DAAM1: variants seen among roughly 807,000 people sequenced by gnomAD.
DAAM1 encodes disheveled-associated activator of morphogenesis 1.
Under a neutral mutation model 130.0 loss-of-function variants are expected in DAAM1, and 52 were observed. That is an observed-to-expected ratio of 0.40 (90% CI 0.32 to 0.50). The LOEUF is 0.50. Ranked by LOEUF, DAAM1 falls within the 20% of genes least tolerant of loss-of-function variation. The pLI, the probability that DAAM1 is intolerant of heterozygous loss-of-function variation, is 0.61. For synonymous variants in DAAM1, 452 were observed against 444.5 expected (o/e 1.02, Z -0.21); for missense variants, 1,134 against 1,303.8 (o/e 0.87, Z 2.01).
chr14:59,271,270 A>G lies in DAAM1; in HGVS notation c.183+7610A>G, dbSNP rs148715008. ...TTGTGAAATTCATCACTGGTCACAA[A>G]ACCACTATTTATACTACCGAGAAAA... On this transcript the variant is annotated intron_variant, in intron 2 of 24. Transcript: ENST00000360909. 1.4e-4 allele frequency among the ~76,000 whole-genome samples: 21 copies of G among 152,302 alleles called. 1 individual carries two copies. The East Asian group carries it at 3.9e-3, about 28-fold the overall frequency.
chr14:59,286,904 C>G (rs953835613), intron 2 of DAAM1, among the ~76,000 whole-genome samples: 6 of 152,022 alleles, frequency 3.9e-5, no homozygotes, highest in Admixed American at 1.3e-4. Context: ...TCCAAAAATT[C>G]AAAGAGAAGG....
intron 3 of DAAM1, 26 bp downstream of exon 3, chr14:59,291,332 T>G: frequency 2.0e-6 from 3 of 1,530,562 alleles, no homozygotes; most frequent in Non-Finnish European, 2.7e-6. Flanking sequence ...TGATTATGGT[T>G]AACTGGAAAA....
In DAAM1 at chr14:59,369,442, C is replaced by T. The variant is rs933302972; in HGVS notation, c.*583C>T. 6.6e-6 allele frequency: 1 copy of T among 152,530 alleles called. No individual in the cohort carries two copies. The highest frequency in any genetic ancestry group is 1.5e-5 in the Non-Finnish European group (1 of 68,022). 9.4% of individuals were successfully genotyped at this position (152,530 alleles called of 1,614,324 possible). A position where few individuals can be genotyped will look rare whatever the true frequency, so the allele number is the denominator to read the frequency against. On this transcript the variant is annotated 3_prime_UTR_variant, in exon 25 of 25. Coordinates refer to ENST00000360909, the MANE Select transcript of DAAM1 (RefSeq NM_001270520.2). The stretch of plus-strand genomic sequence containing the variant: ...TCTGACATTGGTGTGGGGATACAGT[C>T]TGTAAATGTTTATTGAGAACATCTT...
intron 1 of DAAM1, among the ~76,000 whole-genome samples, chr14:59,233,529 A>G (rs1182654773): frequency 6.6e-6 from 1 of 151,562 alleles, no homozygotes; most frequent in African/African-American, 2.4e-5. Context: ...TATTTTCTGG[A>G]TATTAGACCT....
At chr14:59,259,071 C>T (rs1594784413) in intron 1 of DAAM1, among the ~76,000 whole-genome samples, 1 of 152,198 alleles carries the variant, frequency 6.6e-6, no homozygotes, top group African/African-American at 2.4e-5. Flanking sequence ...CCCGACTTCT[C>T]GCCCCTCCTC....
intron 4 of DAAM1, among the ~76,000 whole-genome samples, chr14:59,317,647 C>T (rs1401792578): frequency 6.6e-6 from 1 of 152,166 alleles, no homozygotes; most frequent in Non-Finnish European, 1.5e-5. Context: ...GGGTAACAGG[C>T]ACTTCATATG....
intron 2 of DAAM1, among the ~76,000 whole-genome samples, chr14:59,287,177 A>T (rs377418513): frequency 2.0e-5 from 3 of 152,204 alleles, no homozygotes; most frequent in Admixed American, 1.3e-4. Context: ...AGAATAATAA[A>T]AACCTTTGAT....
At chr14:59,253,992 A>T (rs1881759116) in intron 1 of DAAM1, among the ~76,000 whole-genome samples, 1 of 152,188 alleles carries the variant, frequency 6.6e-6, no homozygotes, top group Admixed American at 6.5e-5. Flanking sequence ...ATGCCTAATA[A>T]TATATTTCTT....
At chr14:59,356,602 C>G (rs1283788435) in intron 20 of DAAM1, among the ~76,000 whole-genome samples, 2 of 152,200 alleles carry the variant, frequency 1.3e-5, no homozygotes, top group Non-Finnish European at 2.9e-5. Context: ...GGTCCATCCA[C>G]AGCTCTATTA....
chr14:59,190,473 C>T (rs1594747567), intron 1 of DAAM1, among the ~76,000 whole-genome samples: 1 of 152,326 alleles, frequency 6.6e-6, no homozygotes, highest in South Asian at 2.1e-4. Flanking sequence ...AGCAAAGGCC[C>T]TCAATTTGCT....
chr14:59,239,420 G>C (rs1449200956), intron 1 of DAAM1, among the ~76,000 whole-genome samples: 1 of 152,070 alleles, frequency 6.6e-6, no homozygotes, highest in East Asian at 1.9e-4. Flanking sequence ...AAAAGAGAGA[G>C]GTGTAGCTAG....
rs1440246336 is a variant in DAAM1, at chr14:59,331,470, A to G, written c.1822A>G (p.Asn608Asp). The G allele has an allele frequency of 8.1e-6, 13 of 1,610,986 alleles. No individual in the cohort carries two copies. Among genetic ancestry groups the G allele is most frequent in the South Asian group, 2.2e-5 (2 of 90,818 alleles). The change falls in exon 14 of 25, where the codon AAT becomes GAT. Residue 608 changes from asparagine to aspartate, a missense_variant. Asn to Asp is a conservative substitution (Grantham distance 23). This residue lies in a region of DAAM1 where 644 missense variants were observed against 695.9 expected (regional missense o/e 0.93). Transcript: ENST00000360909. ...GAAGAAAAGCATTCCTCAGCCCACA[A>G]ATGCCCTGAAATCCTTCAACTGGTC... ...LKKKSIPQPT[N>D]ALKSFNWSKL...
At chr14:59,368,510 T>C in intron 24 of DAAM1, 140 bp from the exon 25 acceptor site, 2 of 839,602 alleles carry the variant, frequency 2.4e-6, no homozygotes, top group Non-Finnish European at 3.6e-6. Flanking sequence ...TCCCCCTTTC[T>C]TGTGATATCC....
chr14:59,322,931 T>C lies in DAAM1; in HGVS notation c.480T>C (p.Cys160=). 1 of 1,613,920 alleles carries C rather than the reference T, an allele frequency of 6.2e-7. No homozygotes were observed. Among genetic ancestry groups the C allele is most frequent in the Non-Finnish European group, 8.5e-7 (1 of 1,179,826 alleles). ...TCATCGACTTGGATGGCCTATCATG[T>C]ATCCTCAACTTTCTAAAGACCATGG... is the stretch of plus-strand genomic sequence containing the variant. ...TRFIDLDGLS[C]ILNFLKTMDY... Residue 160 remains cysteine, a synonymous_variant, in exon 6 of 25, where the codon TGT becomes TGC. Coordinates refer to ENST00000360909, the MANE Select transcript of DAAM1 (RefSeq NM_001270520.2).
At chr14:59,352,844 C>T (rs1886338054) in intron 18 of DAAM1, among the ~76,000 whole-genome samples, 1 of 152,032 alleles carries the variant, frequency 6.6e-6, no homozygotes, top group Admixed American at 6.6e-5. Context: ...GGTTTTTTCA[C>T]AATTATCTCT....
At chr14:59,297,834 C>G (rs1206495928) in intron 3 of DAAM1, among the ~76,000 whole-genome samples, 1 of 152,076 alleles carries the variant, frequency 6.6e-6, no homozygotes, top group Non-Finnish European at 1.5e-5. Flanking sequence ...TATGGAAAAA[C>G]AGCGTATATA....
intron 3 of DAAM1, among the ~76,000 whole-genome samples, chr14:59,305,191 C>T (rs915271298): frequency 6.6e-6 from 1 of 152,208 alleles, no homozygotes; most frequent in African/African-American, 2.4e-5. Flanking sequence ...GTCTTTAGCA[C>T]TCCATGGTGA....
intron 1 of DAAM1, among the ~76,000 whole-genome samples, chr14:59,224,190 G>A (rs1888864573): frequency 6.6e-6 from 1 of 152,200 alleles, no homozygotes; most frequent in Non-Finnish European, 1.5e-5. Context: ...GGTACCAGGT[G>A]ATATGCTGAT....
intron 1 of DAAM1, among the ~76,000 whole-genome samples, chr14:59,239,471 C>T (rs1316133450): frequency 6.6e-6 from 1 of 152,110 alleles, no homozygotes; most frequent in Non-Finnish European, 1.5e-5. Context: ...TTTTATTCAC[C>T]ACGCTCTTAC....
Sources: gnomAD v4.1 joint callset for allele counts (sites outside exome capture counted in the v4.1 genomes callset) on GRCh38, gnomAD v4.1.1 for gene constraint, gnomAD v4.1.1 regional missense constraint, MANE v1.5 for transcripts, NCBI Gene and HGNC (gene_info 2026-07-23, HGNC 2026-07-21) for gene names.